KIAA1958: variants seen among roughly 807,000 people sequenced by gnomAD.
KIAA1958 encodes the protein KIAA1958.
KIAA1958 carries 14 observed loss-of-function variants against 47.2 expected under a neutral mutation model. The observed-to-expected ratio is 0.30, with a 90% CI of 0.20 to 0.46. KIAA1958 has a LOEUF of 0.46. Ranked by LOEUF, KIAA1958 falls within the 20% of genes least tolerant of loss-of-function variation. The pLI, the probability that KIAA1958 is intolerant of heterozygous loss-of-function variation, is 1.00. For missense variants in KIAA1958, 803 were observed against 909.2 expected, an observed-to-expected ratio of 0.88 and a Z score of 1.50; for synonymous variants, 354 against 353.3, an observed-to-expected ratio of 1.00 and a Z score of -0.02.
At chr9:112,571,094 G>A (rs190536123) in intron 1 of KIAA1958, among the ~76,000 whole-genome samples, 1 of 136,232 alleles carries the variant, frequency 7.3e-6, no homozygotes, top group East Asian at 2.2e-4. Context: ...CCAATATTCA[G>A]GCGAGATCTT....
At chr9:112,578,404 A>G (rs1835685516) in intron 2 of KIAA1958, among the ~76,000 whole-genome samples, 1 of 152,182 alleles carries the variant, frequency 6.6e-6, no homozygotes, top group East Asian at 1.9e-4. Context: ...CAGGTTCTGA[A>G]AGCTAAGTCA....
intron 1 of KIAA1958, among the ~76,000 whole-genome samples, chr9:112,569,490 G>A (rs772355120): frequency 7.9e-5 from 12 of 152,178 alleles, no homozygotes; most frequent in Admixed American, 2.0e-4. Context: ...GGCAAATGAC[G>A]CTTTTAACTG....
intron 2 of KIAA1958, among the ~76,000 whole-genome samples, chr9:112,629,538 G>C (rs1352544837): frequency 1.3e-5 from 2 of 152,156 alleles, no homozygotes; most frequent in Non-Finnish European, 2.9e-5. Context: ...TCTGCTGCCT[G>C]TCAATATTTG....
intron 1 of KIAA1958, among the ~76,000 whole-genome samples, chr9:112,496,251 C>T (rs1031934258): frequency 5.3e-5 from 8 of 152,166 alleles, no homozygotes; most frequent in Admixed American, 3.3e-4. Context: ...GATAAACAGT[C>T]TACAGCTGCA....
At chr9:112,557,992 C>T (rs1431343598) in intron 1 of KIAA1958, among the ~76,000 whole-genome samples, 2 of 151,962 alleles carry the variant, frequency 1.3e-5, no homozygotes, top group Admixed American at 6.6e-5. Flanking sequence ...TTTGGGAGGC[C>T]GAGGCGGGTG....
intron 2 of KIAA1958, among the ~76,000 whole-genome samples, chr9:112,579,594 C>G (rs541214282): frequency 6.6e-6 from 1 of 151,986 alleles, no homozygotes; most frequent in Admixed American, 6.5e-5. Flanking sequence ...TTTTATTGAT[C>G]TCTTTATTTT....
chr9:112,526,799 T>C (rs1834665681), intron 1 of KIAA1958, among the ~76,000 whole-genome samples: 1 of 152,234 alleles, frequency 6.6e-6, no homozygotes, highest in South Asian at 2.1e-4. Context: ...ACTGTTACAC[T>C]AGCAATTAAA....
intron 2 of KIAA1958, among the ~76,000 whole-genome samples, chr9:112,580,225 G>A (rs935543533): frequency 3.3e-5 from 5 of 152,146 alleles, no homozygotes; most frequent in Admixed American, 2.6e-4. Flanking sequence ...CTTGAGAGGG[G>A]CAGTAAACCA....
At chr9:112,586,168 A>G (rs138000824) in intron 2 of KIAA1958, among the ~76,000 whole-genome samples, 418 of 152,358 alleles carry the variant, frequency 2.7e-3, no homozygotes, top group Non-Finnish European at 4.5e-3. Flanking sequence ...TAGATAAGAC[A>G]TTTATCAAGG....
chr9:112,497,237 C>T lies in KIAA1958; in HGVS notation c.-25+10119C>T, dbSNP rs139661818. On this transcript the variant is annotated intron_variant, in intron 1 of 3. Coordinates refer to ENST00000337530, the MANE Select transcript of KIAA1958 (RefSeq NM_133465.4). ...ATTCATATGTTGAAGCCCCAACCCT[C>T]CAGTACCTTAATGTAACTGTATTTA... Among the ~76,000 whole-genome samples the T allele has an allele frequency of 3.2e-3, 494 of 152,234 alleles. 4 individuals are homozygous for T. The highest frequency in any genetic ancestry group is 0.011 in the African/African-American group (475 of 41,534).
At chr9:112,531,113 G>A (rs1834744199) in intron 1 of KIAA1958, among the ~76,000 whole-genome samples, 1 of 152,150 alleles carries the variant, frequency 6.6e-6, no homozygotes, top group Non-Finnish European at 1.5e-5. Flanking sequence ...GAAATGTCAG[G>A]CGCTGTGGCT....
At chr9:112,527,744 C>T (rs1834682688) in intron 1 of KIAA1958, among the ~76,000 whole-genome samples, 1 of 151,954 alleles carries the variant, frequency 6.6e-6, no homozygotes. Context: ...CAAGACCAGC[C>T]TGGACAACGT....
chr9:112,519,396 C>T lies in KIAA1958; in HGVS notation c.-25+32278C>T, dbSNP rs541425174. ...AGCTTTTCAAACTGTTTTCAGGGTC[C>T]GATTGGAAGTTTTATGATGTAGTTT... On this transcript the variant is annotated intron_variant, in intron 1 of 3. Transcript: ENST00000337530. 9.9e-5 allele frequency among the ~76,000 whole-genome samples: 15 copies of T among 152,154 alleles called. No individual in the cohort carries two copies. In the South Asian group the frequency reaches 2.3e-3, roughly 23 times the overall value.
intron 1 of KIAA1958, among the ~76,000 whole-genome samples, chr9:112,516,407 G>T (rs1336611901): frequency 6.6e-6 from 1 of 152,104 alleles, no homozygotes; most frequent in East Asian, 1.9e-4. Flanking sequence ...TAAAATACAT[G>T]TAAGATCTGT....
At chr9:112,510,549 CT>C (rs1200971693) in intron 1 of KIAA1958, among the ~76,000 whole-genome samples, 1 of 152,196 alleles carries the variant, frequency 6.6e-6, no homozygotes. Context: ...CCCTGTTTCC[CT>C]CTTTTCTTTT....
chr9:112,637,866 G>A (rs180793824), intron 2 of KIAA1958, among the ~76,000 whole-genome samples: 2 of 152,040 alleles, frequency 1.3e-5, no homozygotes, highest in East Asian at 3.9e-4. Context: ...CTCTTATGCT[G>A]GGCCAGGCGC....
chr9:112,624,713 C>T (rs913285629), intron 2 of KIAA1958, among the ~76,000 whole-genome samples: 5 of 152,106 alleles, frequency 3.3e-5, no homozygotes, highest in South Asian at 2.1e-4. Flanking sequence ...AATACACTTA[C>T]GTTGAGTTCT....
At chr9:112,537,116 CT>C (rs961947143) in intron 1 of KIAA1958, among the ~76,000 whole-genome samples, 4 of 138,336 alleles carry the variant, frequency 2.9e-5, no homozygotes, top group Non-Finnish European at 6.2e-5. Context: ...TCTTTTCTTT[CT>C]TTTTTTTTGA....
At chr9:112,641,480 G>A (rs542969778) in intron 2 of KIAA1958, among the ~76,000 whole-genome samples, 1 of 141,328 alleles carries the variant, frequency 7.1e-6, no homozygotes, top group East Asian at 2.1e-4. Context: ...CTTAGACTTT[G>A]GAAATTTCAC....
Sources: gnomAD v4.1 joint callset for allele counts (sites outside exome capture counted in the v4.1 genomes callset) on GRCh38, gnomAD v4.1.1 for gene constraint, MANE v1.5 for transcripts, NCBI Gene and HGNC (gene_info 2026-07-23, HGNC 2026-07-21) for gene names.